The following TMEM164 variants were observed in gnomAD, a reference collection of about 807,000 sequenced individuals.
TMEM164 encodes transmembrane protein 164.
In TMEM164, 4 loss-of-function variants were observed where a neutral mutation model predicts 18.8. The observed-to-expected ratio is 0.21, with a 90% CI of 0.10 to 0.49. TMEM164 has a LOEUF of 0.49. TMEM164 is among the 20% of genes least tolerant of loss of function. The probability of loss-of-function intolerance (pLI) is 0.98; values close to 1 mark genes in which losing one functional copy is unlikely to be tolerated. For missense variants in TMEM164, 108 were observed against 239.9 expected (o/e 0.45, Z 3.63); for synonymous variants, 86 against 101.7 (o/e 0.85, Z 0.93).
chrX:110,019,262 AC>A (rs1933661477), intron 2 of TMEM164, among the ~76,000 whole-genome samples: 1 of 110,858 alleles, frequency 9.0e-6, no homozygotes, highest in South Asian at 3.9e-4. Flanking sequence ...ATCCCTAGAA[AC>A]CTTGATACAT....
chrX:110,093,906 C>G (rs2065972643), intron 3 of TMEM164, among the ~76,000 whole-genome samples: 1 of 111,755 alleles, frequency 8.9e-6, no homozygotes, highest in Admixed American at 9.5e-5. Context: ...TCATTGGTTT[C>G]AAAGAACATC....
chrX:110,181,296 C>T (rs1411977184), downstream of TMEM164, among the ~76,000 whole-genome samples: 2 of 111,978 alleles, frequency 1.8e-5, no homozygotes, highest in Non-Finnish European at 3.8e-5. Flanking sequence ...CTAAATTCAG[C>T]TTAAAAAAGA....
chrX:110,039,665 A>T lies in TMEM164; in HGVS notation c.391-27682A>T, dbSNP rs1380773819. 1.1e-4 allele frequency among the ~76,000 whole-genome samples: 12 copies of T among 112,236 alleles called. No homozygotes were observed. In the Admixed American group the frequency reaches 1.1e-3, roughly 11 times the overall value. On this transcript the variant is annotated intron_variant, in intron 2 of 6. Coordinates refer to ENST00000372068, the MANE Select transcript of TMEM164 (RefSeq NM_032227.4). Reference sequence around the variant, plus strand: ...GAGTGAAGGAAACCTTGTGTTCCATACTTAAGCATCATGTTCCCCCACCCT... The same window carrying T: ...GAGTGAAGGAAACCTTGTGTTCCATTCTTAAGCATCATGTTCCCCCACCCT...
At position 110,093,168 on chromosome X, in the gene TMEM164, T is replaced by C. The variant is rs780311052; in HGVS notation, c.441-15912T>C. 5.4e-5 allele frequency among the ~76,000 whole-genome samples: 6 copies of C among 111,809 alleles called. No homozygotes were observed. The East Asian group carries it at 1.4e-3, about 26-fold the overall frequency. On this transcript the variant is annotated intron_variant, in intron 3 of 6. Transcript: ENST00000372068. ...TTCATCAGGGATATTGGTCTAAAAT[T>C]CTCTTTTTTTGTTGTGTCTCTGCCA...
At chrX:110,172,539 G>A (rs1342773992) in intron 6 of TMEM164, among the ~76,000 whole-genome samples, 1 of 111,165 alleles carries the variant, frequency 9.0e-6, no homozygotes, top group Non-Finnish European at 1.9e-5. Flanking sequence ...TGCTTCCTGC[G>A]CTCTCAGGAG....
intron 4 of TMEM164, among the ~76,000 whole-genome samples, chrX:110,133,236 C>T (rs1475728553): frequency 9.0e-6 from 1 of 111,580 alleles, no homozygotes; most frequent in Non-Finnish European, 1.9e-5. Flanking sequence ...CAGCAACCTC[C>T]ACCTCCCAGG....
At chrX:110,089,707 A>G (rs1335654492) in intron 3 of TMEM164, among the ~76,000 whole-genome samples, 1 of 112,036 alleles carries the variant, frequency 8.9e-6, no homozygotes, top group African/African-American at 3.2e-5. Flanking sequence ...GATCTTGAAT[A>G]GTACAGTGGA....
rs934315323 is a variant in TMEM164, at chrX:110,131,489, A to G, written c.508-13309A>G. On this transcript the variant is annotated intron_variant, in intron 4 of 6. Coordinates refer to ENST00000372068, the MANE Select transcript of TMEM164 (RefSeq NM_032227.4). ...TACATGGCCTAAATTTTCTGGGTGG[A>G]ATCTGTAACCCAGGGTAGAGGAAAA... Among the ~76,000 whole-genome samples the G allele has an allele frequency of 1.8e-4, 20 of 111,383 alleles. No individual in the cohort carries two copies. In the Admixed American group the frequency reaches 1.9e-3, roughly 11 times the overall value.
chrX:110,058,050 A>T (rs1398675561), intron 2 of TMEM164, among the ~76,000 whole-genome samples: 1 of 111,257 alleles, frequency 9.0e-6, no homozygotes, highest in African/African-American at 3.3e-5. Flanking sequence ...AGTTTTTCCT[A>T]TGTTTTCTTC....
At chrX:110,020,554 C>A (rs1933752054) in intron 2 of TMEM164, 5 of 754,311 alleles carry the variant, frequency 6.6e-6, no homozygotes, top group Non-Finnish European at 7.8e-6. Context: ...ACGGAGCAGC[C>A]ATCCAGGAAG....
intron 2 of TMEM164, among the ~76,000 whole-genome samples, chrX:110,052,853 C>T (rs1207157979): frequency 4.8e-5 from 5 of 104,196 alleles, no homozygotes; most frequent in Non-Finnish European, 9.7e-5. Context: ...CAGGTTCAAG[C>T]GATTCTCCTG....
At chrX:110,095,682 A>G (rs763095724) in intron 3 of TMEM164, among the ~76,000 whole-genome samples, 1 of 112,402 alleles carries the variant, frequency 8.9e-6, no homozygotes, top group South Asian at 3.6e-4. Flanking sequence ...CTTCTGCTCT[A>G]AACTTATCAA....
intron 3 of TMEM164, among the ~76,000 whole-genome samples, chrX:110,071,319 A>G (rs2065585553): frequency 9.1e-6 from 1 of 110,265 alleles, no homozygotes; most frequent in Admixed American, 9.8e-5. Flanking sequence ...TTTTAAAAGA[A>G]GGAATGGTAG....
Position 110,175,345 on chromosome X carries a change from T to G in TMEM164, c.*1894T>G, listed in dbSNP as rs748194075. ...GGAAGGGGATTGTGGGAGGAGCCCC[T>G]GGGGGCCTGGTCTGTCCTCCACCAG... On this transcript the variant is annotated 3_prime_UTR_variant, in exon 7 of 7. Transcript: ENST00000372068. 8.8e-6 allele frequency: 1 copy of G among 113,258 alleles called. No individual in the cohort carries two copies. Among genetic ancestry groups the G allele is most frequent in the African/African-American group, 3.2e-5 (1 of 31,185 alleles). The allele number at this position is 113,258 out of a possible 1,213,427, so 9.3% of individuals were successfully genotyped here. A position where few individuals can be genotyped will look rare whatever the true frequency, so the allele number is the denominator to read the frequency against.
intron 3 of TMEM164, among the ~76,000 whole-genome samples, chrX:110,099,282 T>A (rs1602621891): frequency 9.0e-6 from 1 of 111,229 alleles, no homozygotes; most frequent in East Asian, 2.8e-4. Context: ...TGTCAGTTTA[T>A]CATTTTTTTT....
intron 2 of TMEM164, among the ~76,000 whole-genome samples, chrX:110,037,006 C>CT (rs1569302683): frequency 1.8e-5 from 2 of 110,874 alleles, no homozygotes; most frequent in African/African-American, 6.6e-5. Flanking sequence ...GTTATGGTCT[C>CT]TTTTTTATGG....
chrX:110,075,537 G>C lies in TMEM164; in HGVS notation c.440+8141G>C, dbSNP rs771462427. ...GAGCGGGCATCCTTGTCTTGTTCCA[G>C]TTCTCAAGGGGAATGCTTCCAGCTT... On this transcript the variant is annotated intron_variant, in intron 3 of 6. Transcript: ENST00000372068. Among the ~76,000 whole-genome samples, 121 of 111,587 alleles carry C rather than the reference G, an allele frequency of 1.1e-3. 4 individuals carry two copies. The highest frequency in any genetic ancestry group is 2.6e-4 in the Non-Finnish European group (14 of 53,109).
At chrX:110,069,570 C>CTTTTTTTTTTT (rs72102436) in intron 3 of TMEM164, among the ~76,000 whole-genome samples, 1 of 91,465 alleles carries the variant, frequency 1.1e-5, no homozygotes, top group Non-Finnish European at 2.2e-5. Flanking sequence ...TTTATATTGA[C>CTTTTTTTTTTT]TTTTTTTTTT....
At chrX:110,146,486 G>A (rs1029679021) in intron 5 of TMEM164, among the ~76,000 whole-genome samples, 1 of 111,995 alleles carries the variant, frequency 8.9e-6, no homozygotes, top group African/African-American at 3.3e-5. Context: ...CCTAAGTGGC[G>A]AGGTGAGAGA....
Sources: gnomAD v4.1 joint callset for allele counts (sites outside exome capture counted in the v4.1 genomes callset) on GRCh38, gnomAD v4.1.1 for gene constraint, MANE v1.5 for transcripts, NCBI Gene and HGNC (gene_info 2026-07-23, HGNC 2026-07-21) for gene names.